MACROD2: variants seen among roughly 807,000 people sequenced by gnomAD.
MACROD2 encodes the protein mono-ADP ribosylhydrolase 2, also known as ADP-ribose glycohydrolase MACROD2.
Under a neutral mutation model 70.4 loss-of-function variants are expected in MACROD2, and 36 were observed. The observed-to-expected ratio is 0.51, with a 90% confidence interval of 0.39 to 0.68. The LOEUF is 0.68. Ranked by LOEUF, MACROD2 falls within the 30% of genes least tolerant of loss-of-function variation. MACROD2 has a pLI of 0.00. For missense variants in MACROD2, 496 were observed against 538.4 expected, an observed-to-expected ratio of 0.92 and a Z score of 0.78; for synonymous variants, 172 against 178.8, an observed-to-expected ratio of 0.96 and a Z score of 0.30.
chr20:14,868,261 C>T (rs1294788763), intron 5 of MACROD2, among the ~76,000 whole-genome samples: 1 of 151,008 alleles, frequency 6.6e-6, no homozygotes, highest in Non-Finnish European at 1.5e-5. Context: ...AATCATGGTT[C>T]ACTGCAGCCT....
chr20:15,145,566 G>A (rs1020468236), intron 5 of MACROD2, among the ~76,000 whole-genome samples: 3 of 152,134 alleles, frequency 2.0e-5, no homozygotes, highest in South Asian at 2.1e-4. Flanking sequence ...ATTTGCCACT[G>A]TTCTTAATGA....
intron 3 of MACROD2, among the ~76,000 whole-genome samples, chr20:14,131,164 C>T (rs560944953): frequency 1.3e-5 from 2 of 151,952 alleles, no homozygotes; most frequent in Non-Finnish European, 2.9e-5. Context: ...TTTTTTAAAA[C>T]CTGTTTTCAT....
At chr20:14,023,171 T>C (rs935741641) in intron 2 of MACROD2, among the ~76,000 whole-genome samples, 1 of 152,256 alleles carries the variant, frequency 6.6e-6, no homozygotes, top group Middle Eastern at 3.2e-3. Flanking sequence ...ATGAGCTTTT[T>C]TTCATATGTA....
chr20:14,952,787 A>G (rs1201209571), intron 5 of MACROD2, among the ~76,000 whole-genome samples: 1 of 152,140 alleles, frequency 6.6e-6, no homozygotes, highest in Non-Finnish European at 1.5e-5. Context: ...AATCATAAGT[A>G]TTCACAAAGA....
intron 3 of MACROD2, among the ~76,000 whole-genome samples, chr20:14,149,780 T>C (rs939506269): frequency 1.3e-5 from 2 of 152,210 alleles, no homozygotes; most frequent in African/African-American, 4.8e-5. Flanking sequence ...GCCACTTGTA[T>C]GAAAGTGACC....
rs1490766757 is a variant in MACROD2 at position 14,127,799 on chromosome 20, T to C, written c.271+42071T>C. ...AAGAAGAGAAAGCAAAAGAGAAAAT[T>C]GAAGAGAAAGGAGAGAAGGAGAAAA... On this transcript the variant is annotated intron_variant, in intron 3 of 17. Coordinates refer to ENST00000684519, the MANE Select transcript of MACROD2 (RefSeq NM_001351661.2). 6 of 447,450 alleles carry C rather than the reference T, an allele frequency of 1.3e-5. No homozygotes were observed. In the Admixed American group the frequency reaches 1.6e-4, roughly 12 times the overall value. 27.7% of individuals were successfully genotyped at this position (447,450 alleles called of 1,614,324 possible).
intron 3 of MACROD2, among the ~76,000 whole-genome samples, chr20:14,309,771 G>T (rs1051172556): frequency 6.6e-6 from 1 of 152,044 alleles, no homozygotes; most frequent in African/African-American, 2.4e-5. Context: ...CAAAAAAATG[G>T]ACAGATACAT....
intron 6 of MACROD2, among the ~76,000 whole-genome samples, chr20:15,341,444 G>C (rs747981296): frequency 6.6e-6 from 1 of 152,160 alleles, no homozygotes; most frequent in African/African-American, 2.4e-5. Context: ...ATGTATTTAG[G>C]AGCAACCAAG....
chr20:16,020,640 G>A (rs534423272), intron 15 of MACROD2, among the ~76,000 whole-genome samples: 4 of 150,150 alleles, frequency 2.7e-5, no homozygotes, highest in African/African-American at 7.4e-5. Context: ...GACATTGATT[G>A]TCTATCTCAT....
chr20:14,127,070 G>A (rs2054660954), intron 3 of MACROD2, among the ~76,000 whole-genome samples: 1 of 152,152 alleles, frequency 6.6e-6, no homozygotes, highest in Non-Finnish European at 1.5e-5. Context: ...CCAAAAATGA[G>A]GCCTCTTGCT....
At chr20:15,663,688 T>C (rs2049856123) in intron 8 of MACROD2, among the ~76,000 whole-genome samples, 1 of 152,204 alleles carries the variant, frequency 6.6e-6, no homozygotes, top group Non-Finnish European at 1.5e-5. Flanking sequence ...TTTATCAGTC[T>C]AATGATGCCT....
At chr20:14,107,009 C>CAAGAG (rs879436989) in intron 3 of MACROD2, among the ~76,000 whole-genome samples, 47 of 152,250 alleles carry the variant, frequency 3.1e-4, no homozygotes, top group Admixed American at 2.7e-3. Flanking sequence ...CTACAAGCAT[C>CAAGAG]AAGAGCATCC....
intron 3 of MACROD2, among the ~76,000 whole-genome samples, chr20:14,436,150 GA>G (rs1046595263): frequency 1.8e-4 from 27 of 148,678 alleles, no homozygotes; most frequent in Middle Eastern, 3.5e-3. Flanking sequence ...TAAAGCAAAA[GA>G]AAAAAAAAAG....
chr20:14,683,981 C>T (rs1423704459), intron 4 of MACROD2, among the ~76,000 whole-genome samples: 1 of 152,110 alleles, frequency 6.6e-6, no homozygotes, highest in Non-Finnish European at 1.5e-5. Flanking sequence ...CACTCACACA[C>T]AGAGAACTTT....
chr20:15,589,056 C>T (rs1298055479), intron 8 of MACROD2, among the ~76,000 whole-genome samples: 1 of 152,226 alleles, frequency 6.6e-6, no homozygotes, highest in Admixed American at 6.5e-5. Context: ...ATTGGACTTA[C>T]AGCCCCACAT....
chr20:15,891,013 G>A (rs2064882271), intron 10 of MACROD2, among the ~76,000 whole-genome samples: 1 of 152,272 alleles, frequency 6.6e-6, no homozygotes, highest in South Asian at 2.1e-4. Flanking sequence ...TTATGTTCTT[G>A]GGGATGAGGT....
Position 15,160,012 on chromosome 20 carries a change from C to A in MACROD2, c.419-69928C>A, listed in dbSNP as rs151148755. ...ACTAAGCCCAATGGCTTAATAGGAA[C>A]AAAATGTTCATGACAGGTGCAGGTA... On this transcript the variant is annotated intron_variant, in intron 5 of 17. Coordinates refer to ENST00000684519, the MANE Select transcript of MACROD2 (RefSeq NM_001351661.2). Among the ~76,000 whole-genome samples the A allele has an allele frequency of 2.3e-3, 345 of 152,084 alleles. 1 individual carries two copies. The highest frequency in any genetic ancestry group is 7.9e-3 in the African/African-American group (326 of 41,494).
At chr20:15,409,389 T>A (rs1193154999) in intron 6 of MACROD2, among the ~76,000 whole-genome samples, 1 of 152,240 alleles carries the variant, frequency 6.6e-6, no homozygotes, top group Admixed American at 6.5e-5. Context: ...ATCACAATGC[T>A]GCAGTGTATA....
intron 5 of MACROD2, among the ~76,000 whole-genome samples, chr20:14,995,344 G>A (rs570140395): frequency 1.8e-4 from 27 of 151,974 alleles, no homozygotes; most frequent in East Asian, 1.2e-3. Context: ...AAAATTAGAC[G>A]TAAGATGAAT....
Sources: allele counts gnomAD v4.1 joint callset (sites outside exome capture counted in the v4.1 genomes callset), GRCh38; gene constraint gnomAD v4.1.1; transcripts MANE v1.5; gene names NCBI Gene and HGNC (gene_info 2026-07-23, HGNC 2026-07-21).